Variants in NCAM2 observed in about 807,000 individuals in gnomAD.
NCAM2 encodes the protein N-CAM-2.
In NCAM2, 30 loss-of-function variants were observed where a neutral mutation model predicts 98.1. That is an observed-to-expected ratio of 0.31 (90% confidence interval 0.23 to 0.41). The LOEUF (loss-of-function observed/expected upper bound fraction) is 0.41, where lower values mean the gene tolerates loss of function less well. Among genes scored for constraint, NCAM2 ranks in the 10% least tolerant of loss-of-function variants. The pLI is 1.00. For missense variants in NCAM2, 867 were observed against 1,005.8 expected (o/e 0.86, Z 1.87); for synonymous variants, 368 against 342.4 (o/e 1.07, Z -0.83).
At chr21:21,360,676 CA>C (rs2075622203) in intron 8 of NCAM2, among the ~76,000 whole-genome samples, 1 of 151,654 alleles carries the variant, frequency 6.6e-6, no homozygotes, top group South Asian at 2.1e-4. Flanking sequence ...ATGTATATGC[CA>C]GTCTTTTTTT....
At position 21,338,528 on chromosome 21, in the gene NCAM2, C is replaced by T. The variant is rs748588176; in HGVS notation, c.1038C>T (p.Gly346=). ...RAVDGFTFTE[G]DKSLDGRIEV... Reference sequence around the variant, plus strand: ...TGGATGGCTTCACGTTCACTGAAGGCGATAAGGTAACCACATCTCAATATG... The same window carrying T: ...TGGATGGCTTCACGTTCACTGAAGGTGATAAGGTAACCACATCTCAATATG... Residue 346 remains glycine (G), a synonymous_variant, in exon 8 of 18, where the codon GGC becomes GGT. Coordinates refer to ENST00000400546, the MANE Select transcript of NCAM2 (RefSeq NM_004540.5). 3.4e-5 allele frequency: 54 copies of T among 1,605,866 alleles called. No individual in the cohort carries two copies. In the Admixed American group the frequency reaches 4.3e-4, roughly 13 times the overall value.
At chr21:21,283,825 A>C (rs1031265878) in intron 2 of NCAM2, among the ~76,000 whole-genome samples, 2 of 151,952 alleles carry the variant, frequency 1.3e-5, no homozygotes, top group Non-Finnish European at 2.9e-5. Flanking sequence ...GGTTCTGTTC[A>C]GATATTATCT....
At chr21:21,385,616 T>G (rs1475740687) in intron 9 of NCAM2, 18 of 1,287,674 alleles carry the variant, frequency 1.4e-5, no homozygotes, top group Non-Finnish European at 1.7e-5. Context: ...TAAACAGATT[T>G]CTTGGCATTC....
intron 1 of NCAM2, among the ~76,000 whole-genome samples, chr21:21,078,272 A>C (rs1481723853): frequency 6.6e-6 from 1 of 152,198 alleles, no homozygotes; most frequent in Non-Finnish European, 1.5e-5. Context: ...ATCATGTAAA[A>C]ATTATAATTG....
intron 1 of NCAM2, among the ~76,000 whole-genome samples, chr21:21,131,177 TA>T (rs1426822280): frequency 2.0e-5 from 3 of 151,938 alleles, no homozygotes; most frequent in African/African-American, 4.8e-5. Context: ...GATCATTGGA[TA>T]AATGGTGGGG....
intron 1 of NCAM2, among the ~76,000 whole-genome samples, chr21:21,079,681 A>G (rs1383785045): frequency 2.0e-4 from 30 of 151,838 alleles, no homozygotes; most frequent in Admixed American, 1.9e-3. Flanking sequence ...TCTGCCCCCT[A>G]CCCAGATACT....
chr21:21,290,239 A>G (rs939484426), intron 4 of NCAM2: 44 of 152,084 alleles, frequency 2.9e-4, no homozygotes, highest in African/African-American at 9.4e-4. Context: ...GAAGGATGAT[A>G]GGTATTTTAG....
chr21:21,111,725 C>G (rs957920585), intron 1 of NCAM2, among the ~76,000 whole-genome samples: 1 of 152,042 alleles, frequency 6.6e-6, no homozygotes, highest in Non-Finnish European at 1.5e-5. Flanking sequence ...TTCTTCCCAA[C>G]AAAATTAGAG....
intron 9 of NCAM2, among the ~76,000 whole-genome samples, chr21:21,394,952 C>G (rs889993042): frequency 3.9e-5 from 6 of 152,068 alleles, no homozygotes; most frequent in African/African-American, 1.4e-4. Context: ...ATCCATTTTA[C>G]TGTTATTGAC....
At chr21:21,267,613 A>G (rs149048882) in intron 1 of NCAM2, among the ~76,000 whole-genome samples, 27 of 152,250 alleles carry the variant, frequency 1.8e-4, no homozygotes, top group East Asian at 3.9e-4. Context: ...TTGATTGGCA[A>G]TCTCCACTCA....
chr21:21,214,746 T>TATATATATATATAC (rs11268201), intron 1 of NCAM2, among the ~76,000 whole-genome samples: 6,198 of 100,180 alleles, frequency 0.062, 323 homozygotes, highest in South Asian at 0.087. Context: ...TATATATATA[T>TATATATATATATAC]ACACTATATA....
At position 21,193,020 on chromosome 21, in the gene NCAM2, C is replaced by T. The variant is rs559350707; in HGVS notation, c.56-87558C>T. Among the ~76,000 whole-genome samples the T allele has an allele frequency of 1.1e-4, 16 of 152,254 alleles. No homozygotes were observed. In the South Asian group the frequency reaches 3.3e-3, roughly 32 times the overall value. ...CAATCATGGGCTATATCCTTTTCTT[C>T]TTCAGATTAACTTTTCTATTTAAAA... On this transcript the variant is annotated intron_variant, in intron 1 of 17. Transcript: ENST00000400546.
chr21:21,445,550 G>A (rs1979990278), intron 12 of NCAM2, among the ~76,000 whole-genome samples: 1 of 152,114 alleles, frequency 6.6e-6, no homozygotes, highest in South Asian at 2.1e-4. Context: ...AGCATAGTTA[G>A]CTCTTCTCGT....
At chr21:21,302,236 G>C (rs1236046288) in intron 5 of NCAM2, among the ~76,000 whole-genome samples, 1 of 151,990 alleles carries the variant, frequency 6.6e-6, no homozygotes, top group Non-Finnish European at 1.5e-5. Flanking sequence ...TGATAGACTG[G>C]ATTAAGTTTG....
intron 6 of NCAM2, among the ~76,000 whole-genome samples, chr21:21,335,009 G>A (rs1568946573): frequency 1.3e-5 from 2 of 151,702 alleles, no homozygotes; most frequent in Admixed American, 6.6e-5. Flanking sequence ...TATTTTATTG[G>A]CAGTACTTAT....
intron 1 of NCAM2, among the ~76,000 whole-genome samples, chr21:21,132,755 A>G (rs2066962311): frequency 6.6e-6 from 1 of 152,250 alleles, no homozygotes; most frequent in Non-Finnish European, 1.5e-5. Context: ...ATTATGGAAT[A>G]TAAAACCAAG....
intron 1 of NCAM2, among the ~76,000 whole-genome samples, chr21:21,235,435 G>A (rs1316871614): frequency 6.6e-6 from 1 of 151,674 alleles, no homozygotes; most frequent in Non-Finnish European, 1.5e-5. Context: ...ACCAGCATTC[G>A]AAAAAATATG....
intron 1 of NCAM2, among the ~76,000 whole-genome samples, chr21:21,159,889 A>G (rs1260406390): frequency 6.6e-6 from 1 of 152,100 alleles, no homozygotes; most frequent in Admixed American, 6.5e-5. Flanking sequence ...ATATACATGT[A>G]TATGTGAATT....
chr21:21,247,486 G>A (rs1436038325), intron 1 of NCAM2, among the ~76,000 whole-genome samples: 1 of 152,056 alleles, frequency 6.6e-6, no homozygotes, highest in South Asian at 2.1e-4. Flanking sequence ...ATTATGCTTT[G>A]GGTGAATGAA....
Sources: allele counts gnomAD v4.1 joint callset (sites outside exome capture counted in the v4.1 genomes callset), GRCh38; gene constraint gnomAD v4.1.1; transcripts MANE v1.5; gene names NCBI Gene and HGNC (gene_info 2026-07-23, HGNC 2026-07-21).